Variants in RAPGEF4 observed in about 807,000 individuals in gnomAD.
The protein encoded by RAPGEF4 is Rap guanine nucleotide exchange factor 4.
In RAPGEF4, 66 loss-of-function variants were observed where a neutral mutation model predicts 147.9. That is an observed-to-expected ratio of 0.45 (90% CI 0.37 to 0.55). RAPGEF4 has a LOEUF of 0.55. Ranked by LOEUF, RAPGEF4 falls within the 20% of genes least tolerant of loss-of-function variation. The pLI, the probability that RAPGEF4 is intolerant of heterozygous loss-of-function variation, is 0.00. For missense variants in RAPGEF4, 1,071 were observed against 1,257.3 expected (o/e 0.85, Z 2.24); for synonymous variants, 419 against 442.7 (o/e 0.95, Z 0.67).
At chr2:173,016,529 A>G in intron 19 of RAPGEF4, 92 bp downstream of exon 19, 1 of 1,043,116 alleles carries the variant, frequency 9.6e-7, no homozygotes, top group South Asian at 1.3e-5. Flanking sequence ...TGGTCTTTCC[A>G]TAGCCATGCC....
chr2:172,991,135 G>A (rs1289477774), intron 15 of RAPGEF4, among the ~76,000 whole-genome samples: 6 of 152,126 alleles, frequency 3.9e-5, no homozygotes, highest in Non-Finnish European at 8.8e-5. Flanking sequence ...AGAGTAATTC[G>A]GGAGAGAATA....
At chr2:172,826,244 G>T (rs115520073) in intron 4 of RAPGEF4, among the ~76,000 whole-genome samples, 267 of 152,336 alleles carry the variant, frequency 1.8e-3, no homozygotes, top group African/African-American at 6.1e-3. Context: ...TGAGGTTAGA[G>T]AAGCGAGTTC....
chr2:172,904,817 A>G (rs1403392809), intron 4 of RAPGEF4, among the ~76,000 whole-genome samples: 1 of 151,086 alleles, frequency 6.6e-6, no homozygotes, highest in Non-Finnish European at 1.5e-5. Context: ...AGCACCTAAT[A>G]CCTTCCTTGT....
chr2:173,014,135 C>T lies in RAPGEF4; in HGVS notation c.1659-329C>T, dbSNP rs1695285254. On this transcript the variant is annotated intron_variant, in intron 17 of 30. Coordinates refer to ENST00000397081, the MANE Select transcript of RAPGEF4 (RefSeq NM_007023.4). ...AAGCAATGGCAAGAAACATTACCAC[C>T]CAGAGTAGCAAAGGGCAAGGCAGAT... is the stretch of plus-strand genomic sequence containing the variant. 2.0e-5 allele frequency among the ~76,000 whole-genome samples: 3 copies of T among 152,062 alleles called. No individual in the cohort carries two copies. The South Asian group carries it at 6.2e-4, about 32-fold the overall frequency.
Position 173,015,028 on chromosome 2 carries a change from T to G in RAPGEF4, c.1809+414T>G, listed in dbSNP as rs569195872. Among the ~76,000 whole-genome samples, 8 of 152,328 alleles carry G rather than the reference T, an allele frequency of 5.3e-5. 1 individual carries two copies. The highest frequency in any genetic ancestry group is 1.2e-4 in the African/African-American group (5 of 41,578). On this transcript the variant is annotated intron_variant, in intron 18 of 30. Transcript: ENST00000397081. ...TTGAGTAGCCATGTCACAGATATAT[T>G]TATGTGTTCCCTTATTGTTGAGTGT...
At chr2:172,745,806 C>T (rs1052139241) in intron 1 of RAPGEF4, among the ~76,000 whole-genome samples, 2 of 152,196 alleles carry the variant, frequency 1.3e-5, no homozygotes, top group Admixed American at 6.5e-5. Context: ...GACCTCTTGA[C>T]TCCCTCAGCC....
Position 173,048,625 on chromosome 2 carries a change from C to T in RAPGEF4, c.2879C>T (p.Thr960Ile), listed in dbSNP as rs1685798389. Residue 960 changes from threonine (T) to isoleucine (I), a missense_variant, in exon 30 of 31, where the codon ACA (threonine) becomes ATA (isoleucine). Coordinates refer to ENST00000397081, the MANE Select transcript of RAPGEF4 (RefSeq NM_007023.4). ...CGCATGATTGCAAATACGGCCAGAA[C>T]AGTGAGATACTACAGGAGCCAACCC... ...KMRMIANTAR[T>I]VRYYRSQPFN... is the part of the protein sequence containing the mutation. 14 of 1,613,978 alleles carry T rather than the reference C, an allele frequency of 8.7e-6. No homozygotes were observed. The highest frequency in any genetic ancestry group is 6.7e-5 in the African/African-American group (5 of 74,898).
chr2:173,038,046 G>A (rs565897154), intron 29 of RAPGEF4, among the ~76,000 whole-genome samples: 10 of 152,222 alleles, frequency 6.6e-5, no homozygotes, highest in East Asian at 5.8e-4. Context: ...CTATTGCTGG[G>A]CACTATGTCT....
At chr2:172,855,154 G>A (rs139633662) in intron 4 of RAPGEF4, among the ~76,000 whole-genome samples, 3 of 152,192 alleles carry the variant, frequency 2.0e-5, no homozygotes, top group African/African-American at 7.2e-5. Flanking sequence ...GCACCTTCAT[G>A]GCTGCCACAA....
At chr2:172,817,378 A>G (rs1008330993) in intron 4 of RAPGEF4, among the ~76,000 whole-genome samples, 1 of 152,226 alleles carries the variant, frequency 6.6e-6, no homozygotes, top group African/African-American at 2.4e-5. Context: ...TTTGATAACC[A>G]GAACGCCTAT....
intron 22 of RAPGEF4, among the ~76,000 whole-genome samples, chr2:173,020,251 T>TA (rs1395644344): frequency 1.3e-5 from 2 of 152,206 alleles, no homozygotes; most frequent in African/African-American, 4.8e-5. Flanking sequence ...CCAAAGTTTT[T>TA]AAAAAGTGAT....
At chr2:172,865,234 C>T (rs1162491110) in intron 4 of RAPGEF4, among the ~76,000 whole-genome samples, 1 of 152,186 alleles carries the variant, frequency 6.6e-6, no homozygotes, top group African/African-American at 2.4e-5. Context: ...TCCCCAACAC[C>T]CATTTGAAGA....
chr2:172,814,791 G>A (rs1688348055), intron 4 of RAPGEF4: 1 of 295,068 alleles, frequency 3.4e-6, no homozygotes, highest in Non-Finnish European at 6.7e-6. Flanking sequence ...TCATTGACAT[G>A]TTCCCTGGGA....
At chr2:173,048,763 A>T (rs992185709) in intron 30 of RAPGEF4, 109 bp downstream of exon 30, 6 of 1,548,882 alleles carry the variant, frequency 3.9e-6, no homozygotes, top group Non-Finnish European at 5.2e-6. Flanking sequence ...ACTGTGTCAG[A>T]GACACTTTGG....
rs139912993 is a variant in RAPGEF4 at position 172,907,071 on chromosome 2, C to T, written c.445-10731C>T. On this transcript the variant is annotated intron_variant, in intron 4 of 30. Coordinates refer to ENST00000397081, the MANE Select transcript of RAPGEF4 (RefSeq NM_007023.4). ...CTGGGTTTATCCCCACCACCCCTTC[C>T]CCAGTCTGGTGGTTGCTCTGCCAGC... Among the ~76,000 whole-genome samples, 542 of 152,286 alleles carry T rather than the reference C, an allele frequency of 3.6e-3. 2 individuals are homozygous for T. Among genetic ancestry groups the T allele is most frequent in the Non-Finnish European group, 5.0e-3 (339 of 68,018 alleles).
At chr2:172,924,941 C>T (rs1685125488) in intron 6 of RAPGEF4, among the ~76,000 whole-genome samples, 2 of 152,010 alleles carry the variant, frequency 1.3e-5, no homozygotes, top group Non-Finnish European at 2.9e-5. Flanking sequence ...CCATGTTTAA[C>T]TGTTTTGTTT....
chr2:172,913,633 T>C (rs1453136848), intron 4 of RAPGEF4, among the ~76,000 whole-genome samples: 1 of 152,244 alleles, frequency 6.6e-6, no homozygotes, highest in Non-Finnish European at 1.5e-5. Flanking sequence ...GCTCTTATTT[T>C]CTCTAACTCC....
chr2:172,819,568 C>T (rs1465599113), intron 4 of RAPGEF4, among the ~76,000 whole-genome samples: 2 of 142,072 alleles, frequency 1.4e-5, no homozygotes, highest in Admixed American at 7.4e-5. Flanking sequence ...CGGGTTCACG[C>T]CATTCTCCTG....
At chr2:172,821,909 A>T in intron 4 of RAPGEF4, 1 of 1,612,192 alleles carries the variant, frequency 6.2e-7, no homozygotes, top group Non-Finnish European at 8.5e-7. Context: ...GATCAAATAA[A>T]GGATAGATGC....
Sources: gnomAD v4.1 joint callset for allele counts (sites outside exome capture counted in the v4.1 genomes callset) on GRCh38, gnomAD v4.1.1 for gene constraint, MANE v1.5 for transcripts, NCBI Gene and HGNC (gene_info 2026-07-23, HGNC 2026-07-21) for gene names.